The following STK32B variants were observed in gnomAD, a reference collection of about 807,000 sequenced individuals.
STK32B encodes serine/threonine-protein kinase 32B.
A neutral mutation model predicts 52.6 loss-of-function variants in STK32B; 43 were observed. That is an observed-to-expected ratio of 0.82 (90% CI 0.64 to 1.05). STK32B has a LOEUF of 1.05. STK32B is among the 50% of genes least tolerant of loss of function. The probability of loss-of-function intolerance (pLI) is 0.00; values close to 1 mark genes in which losing one functional copy is unlikely to be tolerated. For synonymous variants in STK32B, 238 were observed against 204.3 expected (o/e 1.17, Z -1.41); for missense variants, 621 against 534.6 (o/e 1.16, Z -1.59).
intron 5 of STK32B, among the ~76,000 whole-genome samples, chr4:5,408,196 T>C (rs1220794197): frequency 1.3e-5 from 2 of 152,140 alleles, no homozygotes; most frequent in Non-Finnish European, 2.9e-5. Flanking sequence ...TACTTAGGAC[T>C]AATCCTTCTG....
At chr4:5,384,597 G>C (rs73797305) in intron 4 of STK32B, among the ~76,000 whole-genome samples, 2 of 152,074 alleles carry the variant, frequency 1.3e-5, no homozygotes, top group Non-Finnish European at 2.9e-5. Context: ...GGCGCAGTGC[G>C]GAGTCATCAG....
chr4:5,346,429 C>T (rs114501990), intron 4 of STK32B, among the ~76,000 whole-genome samples: 237 of 152,242 alleles, frequency 1.6e-3, no homozygotes, highest in African/African-American at 5.4e-3. Context: ...TTCTGATGAG[C>T]AGTGGAGTTT....
chr4:5,331,210 G>T lies in STK32B; in HGVS notation c.261-10G>T, dbSNP rs1281762101. 1 of 1,606,346 alleles carries T rather than the reference G, an allele frequency of 6.2e-7. No individual in the cohort carries two copies. The highest frequency in any genetic ancestry group is 1.1e-5 in the South Asian group (1 of 89,640). ...CACCCCTAATCTTCTCTGTCCTTCT[G>T]TGCTCCTAGGTACTCCTTCCAGGAT... On this transcript the variant is annotated splice_polypyrimidine_tract_variant and intron_variant, in intron 3 of 11. Coordinates refer to ENST00000282908, the MANE Select transcript of STK32B (RefSeq NM_018401.3).
intron 3 of STK32B, among the ~76,000 whole-genome samples, chr4:5,330,673 A>G (rs1426632752): frequency 6.6e-6 from 1 of 152,174 alleles, no homozygotes; most frequent in African/African-American, 2.4e-5. Context: ...TGGCCTCTCC[A>G]TGTGGCTTGC....
the STK32B span, among the ~76,000 whole-genome samples, chr4:5,042,022 C>T: frequency 2.0e-5 from 3 of 152,076 alleles, no homozygotes; most frequent in Admixed American, 6.6e-5. Context: ...ACAGCGTGAT[C>T]GTGTTACATA....
chr4:5,103,659 C>T (rs991820116), intron 1 of STK32B, among the ~76,000 whole-genome samples: 7 of 152,058 alleles, frequency 4.6e-5, no homozygotes, highest in African/African-American at 9.7e-5. Context: ...TCCTGGGCCA[C>T]GGAGTTTGCC....
At position 5,436,487 on chromosome 4, in the gene STK32B, A is replaced by G. The variant is rs6839978; in HGVS notation, c.563-10186A>G. The stretch of plus-strand genomic sequence containing the variant: ...GGAAGATCTTTTAGCAGGGAATACC[A>G]TCATCTGTGGCATGTCAGAAAACTG... On this transcript the variant is annotated intron_variant, in intron 6 of 11. Coordinates refer to ENST00000282908, the MANE Select transcript of STK32B (RefSeq NM_018401.3). The G allele has an allele frequency of 1.6e-3, 876 of 554,516 alleles. 7 individuals are homozygous for G. The African/African-American group carries it at 0.017, about 11-fold the overall frequency. 34.3% of individuals were successfully genotyped at this position (554,516 alleles called of 1,614,324 possible).
At chr4:5,372,724 G>GT (rs1016865088) in intron 4 of STK32B, among the ~76,000 whole-genome samples, 25 of 150,444 alleles carry the variant, frequency 1.7e-4, no homozygotes, top group African/African-American at 5.9e-4. Context: ...GAAAGTTGGG[G>GT]GGGGGGGCGG....
chr4:5,097,189 ACAGTGGCCATTAACTAAATAGGG>A (rs1468805030), intron 1 of STK32B, among the ~76,000 whole-genome samples: 1 of 152,234 alleles, frequency 6.6e-6, no homozygotes, highest in African/African-American at 2.4e-5. Context: ...AGGGAACGTA[ACAGTGGCCATTAACTAAATAGGG>A]AAGCCTGTTT....
chr4:5,190,377 C>T (rs181876147), intron 3 of STK32B, among the ~76,000 whole-genome samples: 1 of 152,286 alleles, frequency 6.6e-6, no homozygotes, highest in East Asian at 1.9e-4. Flanking sequence ...AACTTTGCTT[C>T]TCCATTTTGC....
At position 5,403,853 on chromosome 4, in the gene STK32B, T is replaced by G. The variant is rs796406960; in HGVS notation, c.472+5609T>G. Among the ~76,000 whole-genome samples the G allele has an allele frequency of 3.9e-5, 6 of 152,198 alleles. No homozygotes were observed. In the South Asian group the frequency reaches 1.2e-3, roughly 32 times the overall value. The stretch of plus-strand genomic sequence containing the variant: ...TGAGAAGGAAGGGAGAGGAAGCCAC[T>G]CATACAAGATGGAAGACTGAGATGT... On this transcript the variant is annotated intron_variant, in intron 5 of 11. Coordinates refer to ENST00000282908, the MANE Select transcript of STK32B (RefSeq NM_018401.3).
intron 3 of STK32B, among the ~76,000 whole-genome samples, chr4:5,196,986 T>C (rs575532421): frequency 6.6e-5 from 10 of 152,194 alleles, no homozygotes; most frequent in Admixed American, 6.5e-4. Context: ...GCATCAGGTA[T>C]CCAGCCTGCC....
At chr4:5,387,929 A>C (rs1736361039) in intron 4 of STK32B, among the ~76,000 whole-genome samples, 1 of 152,054 alleles carries the variant, frequency 6.6e-6, no homozygotes, top group Non-Finnish European at 1.5e-5. Context: ...TTTTTAGTAA[A>C]GACGGGGTTT....
intron 2 of STK32B, among the ~76,000 whole-genome samples, chr4:5,154,439 T>G (rs1253495661): frequency 1.3e-5 from 2 of 152,170 alleles, no homozygotes; most frequent in Admixed American, 6.5e-5. Context: ...GGTCTTGAAC[T>G]CCTGACCTCA....
chr4:5,230,563 A>G (rs1213855326), intron 3 of STK32B, among the ~76,000 whole-genome samples: 1 of 152,194 alleles, frequency 6.6e-6, no homozygotes, highest in African/African-American at 2.4e-5. Context: ...TCACGAGAGT[A>G]TGAAGGTTTG....
At chr4:5,350,217 G>A (rs1385750572) in intron 4 of STK32B, among the ~76,000 whole-genome samples, 3 of 152,060 alleles carry the variant, frequency 2.0e-5, no homozygotes, top group African/African-American at 7.2e-5. Context: ...CAAGAGAACA[G>A]CATCTAGTCA....
rs532796478 is a variant in STK32B, at chr4:5,145,469, T to C, written c.108+5509T>C. 1.5e-3 allele frequency among the ~76,000 whole-genome samples: 232 copies of C among 152,130 alleles called. 1 individual carries two copies. The highest frequency in any genetic ancestry group is 2.5e-3 in the Non-Finnish European group (167 of 68,026). ...TAAACCCATACCAAAATATAGAATA[T>C]CACCATCCAAAAGTCCCCTCTTGAC... is the stretch of plus-strand genomic sequence containing the variant. On this transcript the variant is annotated intron_variant, in intron 2 of 11. Transcript: ENST00000282908.
chr4:5,459,531 T>A (rs948424882), intron 8 of STK32B, among the ~76,000 whole-genome samples: 1 of 152,192 alleles, frequency 6.6e-6, no homozygotes. Context: ...TTTTGGCAAG[T>A]TGGGAGGCCC....
At chr4:5,251,447 T>G (rs188062278) in intron 3 of STK32B, among the ~76,000 whole-genome samples, 2 of 152,190 alleles carry the variant, frequency 1.3e-5, no homozygotes, top group Non-Finnish European at 2.9e-5. Flanking sequence ...ATCTGGTATT[T>G]TTGTACCAGT....
Sources: gnomAD v4.1 joint callset for allele counts (sites outside exome capture counted in the v4.1 genomes callset) on GRCh38, gnomAD v4.1.1 for gene constraint, MANE v1.5 for transcripts, NCBI Gene and HGNC (gene_info 2026-07-23, HGNC 2026-07-21) for gene names.